Variants in CTNND2 observed in about 807,000 individuals in gnomAD.
The protein encoded by CTNND2 is catenin delta-2.
CTNND2 carries 22 observed loss-of-function variants against 144.4 expected under a neutral mutation model. That is an observed-to-expected ratio of 0.15 (90% CI 0.11 to 0.22). CTNND2 has a LOEUF of 0.22. CTNND2 is among the 10% of genes least tolerant of loss of function. The probability of loss-of-function intolerance (pLI) is 1.00; values close to 1 mark genes in which losing one functional copy is unlikely to be tolerated. For missense variants in CTNND2, 1,353 were observed against 1,618.8 expected (o/e 0.84, Z 2.82); for synonymous variants, 751 against 695.6 (o/e 1.08, Z -1.25).
chr5:11,836,698 T>A (rs550343857), intron 1 of CTNND2, among the ~76,000 whole-genome samples: 2 of 152,204 alleles, frequency 1.3e-5, no homozygotes, highest in Admixed American at 1.3e-4. Context: ...TTGCTAAAAA[T>A]TCCATAAAAG....
intron 11 of CTNND2, among the ~76,000 whole-genome samples, chr5:11,173,426 G>A (rs190371657): frequency 1.4e-3 from 209 of 152,314 alleles, no homozygotes; most frequent in Non-Finnish European, 2.1e-3. Context: ...TCGACTCCTC[G>A]GAAGAGTCCC....
At chr5:11,445,977 GT>G (rs1462669821) in intron 3 of CTNND2, among the ~76,000 whole-genome samples, 1 of 152,106 alleles carries the variant, frequency 6.6e-6, no homozygotes, top group African/African-American at 2.4e-5. Flanking sequence ...TTTTTTGTTT[GT>G]TTTTTGTTTT....
chr5:11,890,789 G>T (rs1736895353), intron 1 of CTNND2, among the ~76,000 whole-genome samples: 1 of 152,218 alleles, frequency 6.6e-6, no homozygotes, highest in Non-Finnish European at 1.5e-5. Context: ...TAACTGTTAG[G>T]ACAGAAACAC....
At chr5:11,176,207 C>T (rs754848865) in intron 11 of CTNND2, among the ~76,000 whole-genome samples, 8 of 152,130 alleles carry the variant, frequency 5.3e-5, no homozygotes, top group Non-Finnish European at 8.8e-5. Context: ...CTATTGACAC[C>T]TGTATTTCTC....
intron 3 of CTNND2, among the ~76,000 whole-genome samples, chr5:11,481,723 C>T (rs763320470): frequency 6.6e-6 from 1 of 152,010 alleles, no homozygotes; most frequent in Non-Finnish European, 1.5e-5. Context: ...GGGTGCCTCA[C>T]ACACAAAGGA....
chr5:11,809,851 T>C (rs1792222533), intron 1 of CTNND2, among the ~76,000 whole-genome samples: 1 of 152,178 alleles, frequency 6.6e-6, no homozygotes, highest in Admixed American at 6.6e-5. Flanking sequence ...GGTCCTATTG[T>C]AAATAATTAT....
chr5:11,669,229 T>G (rs1194807126), intron 2 of CTNND2, among the ~76,000 whole-genome samples: 2 of 152,156 alleles, frequency 1.3e-5, no homozygotes, highest in African/African-American at 4.8e-5. Context: ...AATTTTCTTT[T>G]TTGGTGTGTC....
At chr5:11,342,081 G>GGT (rs142431478) in intron 9 of CTNND2, among the ~76,000 whole-genome samples, 16 of 151,256 alleles carry the variant, frequency 1.1e-4, no homozygotes, top group Admixed American at 2.6e-4. Flanking sequence ...CATGCGCGTG[G>GGT]GTGTGTGTGT....
chr5:11,298,177 GTTGT>G (rs1256545204), intron 9 of CTNND2, among the ~76,000 whole-genome samples: 1 of 152,090 alleles, frequency 6.6e-6, no homozygotes, highest in African/African-American at 2.4e-5. Context: ...CTTTTATTTA[GTTGT>G]TTCTTTTTTC....
At chr5:11,462,078 A>T (rs1042793290) in intron 3 of CTNND2, among the ~76,000 whole-genome samples, 3 of 152,014 alleles carry the variant, frequency 2.0e-5, no homozygotes, top group African/African-American at 4.8e-5. Flanking sequence ...GCCTCCACAG[A>T]GGGTTCCTGA....
At chr5:11,808,538 T>C (rs1222872513) in intron 1 of CTNND2, among the ~76,000 whole-genome samples, 1 of 152,232 alleles carries the variant, frequency 6.6e-6, no homozygotes, top group East Asian at 1.9e-4. Context: ...TGCTCTGAAG[T>C]GCTTTTCATA....
At chr5:11,306,515 G>A (rs1015493) in intron 9 of CTNND2, among the ~76,000 whole-genome samples, 16,811 of 152,218 alleles carry the variant, frequency 0.11, 1,199 homozygotes, top group Middle Eastern at 0.24. Flanking sequence ...CAGTTGAAAA[G>A]ATACTGAAAT....
At chr5:11,177,081 C>T (rs1006430783) in intron 11 of CTNND2, among the ~76,000 whole-genome samples, 5 of 152,200 alleles carry the variant, frequency 3.3e-5, no homozygotes, top group African/African-American at 1.2e-4. Context: ...GGTCCAGGTA[C>T]ATAATCTTGT....
At chr5:11,366,156 T>G (rs1756961025) in intron 7 of CTNND2, among the ~76,000 whole-genome samples, 2 of 152,208 alleles carry the variant, frequency 1.3e-5, no homozygotes, top group South Asian at 2.1e-4. Flanking sequence ...CTTCAAATGC[T>G]GGATGTTAGG....
chr5:11,878,391 G>C (rs1735715795), intron 1 of CTNND2, among the ~76,000 whole-genome samples: 1 of 152,146 alleles, frequency 6.6e-6, no homozygotes, highest in African/African-American at 2.4e-5. Context: ...CAAGAGACAA[G>C]GTCAGGCCCA....
At chr5:11,529,097 A>G (rs773514514) in intron 3 of CTNND2, among the ~76,000 whole-genome samples, 2 of 152,206 alleles carry the variant, frequency 1.3e-5, no homozygotes, top group South Asian at 2.1e-4. Flanking sequence ...ACACAAGGCC[A>G]TATTTTTCCG....
At chr5:11,128,018 T>C (rs536103353) in intron 12 of CTNND2, among the ~76,000 whole-genome samples, 2 of 151,436 alleles carry the variant, frequency 1.3e-5, no homozygotes, top group East Asian at 3.9e-4. Context: ...GGTTACTTTA[T>C]ATGGAAAAAA....
chr5:11,414,279 CAG>C (rs945524922), intron 3 of CTNND2, among the ~76,000 whole-genome samples: 4 of 152,144 alleles, frequency 2.6e-5, no homozygotes, highest in African/African-American at 9.7e-5. Flanking sequence ...AAAACCATGA[CAG>C]AATAAATTTC....
At chr5:11,554,332 G>A (rs1776032141) in intron 3 of CTNND2, among the ~76,000 whole-genome samples, 1 of 152,134 alleles carries the variant, frequency 6.6e-6, no homozygotes, top group Non-Finnish European at 1.5e-5. Context: ...CGCATCCCTA[G>A]GGTGAAAACA....
Sources: allele counts gnomAD v4.1 joint callset (sites outside exome capture counted in the v4.1 genomes callset), GRCh38; gene constraint gnomAD v4.1.1; transcripts MANE v1.5; gene names NCBI Gene and HGNC (gene_info 2026-07-23, HGNC 2026-07-21).